The following GRIP1 variants were observed in gnomAD, a reference collection of about 807,000 sequenced individuals.
GRIP1 encodes the protein glutamate receptor interacting protein 1, also known as glutamate receptor-interacting protein 1.
A neutral mutation model predicts 129.9 loss-of-function variants in GRIP1; 45 were observed. The ratio of observed to expected loss-of-function variants is 0.35; its 90% CI spans 0.27 to 0.44. The LOEUF is 0.44. Among genes scored for constraint, GRIP1 ranks in the 20% least tolerant of loss-of-function variants. GRIP1 has a pLI of 1.00. For synonymous variants in GRIP1, 530 were observed against 520.8 expected, an observed-to-expected ratio of 1.02 and a Z score of -0.24; for missense variants, 1,196 against 1,396.8, an observed-to-expected ratio of 0.86 and a Z score of 2.29.
chr12:66,809,931 C>T (rs1267793441), intron 1 of GRIP1, among the ~76,000 whole-genome samples: 4 of 152,144 alleles, frequency 2.6e-5, no homozygotes, highest in African/African-American at 9.7e-5. Flanking sequence ...GCTGGGATTA[C>T]AGGCATGAGC....
chr12:66,720,546 C>G (rs924795579), intron 1 of GRIP1, among the ~76,000 whole-genome samples: 1 of 152,182 alleles, frequency 6.6e-6, no homozygotes, highest in South Asian at 2.1e-4. Flanking sequence ...AAATTGTAGT[C>G]AATCCTCTCA....
intron 1 of GRIP1, among the ~76,000 whole-genome samples, chr12:66,771,600 C>T (rs571683736): frequency 3.9e-5 from 6 of 152,280 alleles, no homozygotes; most frequent in South Asian, 4.1e-4. Flanking sequence ...TCAATCCCAG[C>T]GCAGAGAGGT....
intron 1 of GRIP1, among the ~76,000 whole-genome samples, chr12:66,718,268 G>T (rs375147925): frequency 1.3e-5 from 2 of 152,190 alleles, no homozygotes; most frequent in South Asian, 2.1e-4. Flanking sequence ...TGCAGTGATT[G>T]CCAAGGTTTG....
intron 1 of GRIP1, among the ~76,000 whole-genome samples, chr12:66,852,257 G>T (rs1056130021): frequency 2.6e-5 from 4 of 151,816 alleles, no homozygotes; most frequent in African/African-American, 9.7e-5. Flanking sequence ...ATACAAATTT[G>T]ATATCTTTCC....
At chr12:66,911,387 C>G (rs1445786300) in intron 1 of GRIP1, among the ~76,000 whole-genome samples, 1 of 152,218 alleles carries the variant, frequency 6.6e-6, no homozygotes, top group Non-Finnish European at 1.5e-5. Flanking sequence ...TACACAGAGT[C>G]AGTCCACTAA....
intron 2 of GRIP1, chr12:66,568,336 CA>C: frequency 5.6e-6 from 1 of 177,666 alleles, no homozygotes; most frequent in Non-Finnish European, 1.2e-5. Context: ...GTTGGATATG[CA>C]AAAAATGTCT....
At chr12:66,655,729 C>G (rs772556174) in intron 1 of GRIP1, among the ~76,000 whole-genome samples, 1 of 151,702 alleles carries the variant, frequency 6.6e-6, no homozygotes, top group Non-Finnish European at 1.5e-5. Flanking sequence ...CCTGCCTCAG[C>G]CTCCTGAGTA....
At chr12:66,415,355 T>G (rs868092954) in intron 15 of GRIP1, among the ~76,000 whole-genome samples, 2 of 152,192 alleles carry the variant, frequency 1.3e-5, no homozygotes, top group Middle Eastern at 6.8e-3. Flanking sequence ...AAATACAAAT[T>G]GAAATCATAA....
At chr12:66,687,084 G>GACAAAA (rs1276331795) in intron 1 of GRIP1, among the ~76,000 whole-genome samples, 1 of 151,782 alleles carries the variant, frequency 6.6e-6, no homozygotes, top group Admixed American at 6.6e-5. Flanking sequence ...AAAACAAACA[G>GACAAAA]ACAAAAACAA....
chr12:66,894,284 G>A (rs1010548764), intron 1 of GRIP1, among the ~76,000 whole-genome samples: 1 of 152,092 alleles, frequency 6.6e-6, no homozygotes, highest in Non-Finnish European at 1.5e-5. Context: ...AGGTTCTTCA[G>A]TTTCCTATCA....
At chr12:66,624,461 T>C (rs2065401008) in intron 1 of GRIP1, among the ~76,000 whole-genome samples, 1 of 152,128 alleles carries the variant, frequency 6.6e-6, no homozygotes, top group African/African-American at 2.4e-5. Context: ...ACATTAGAAA[T>C]TCATGATTGG....
intron 1 of GRIP1, among the ~76,000 whole-genome samples, chr12:67,041,194 C>T (rs570052158): frequency 5.9e-5 from 9 of 151,918 alleles, no homozygotes; most frequent in African/African-American, 1.9e-4. Flanking sequence ...TACAAATATA[C>T]GTGTGTATAT....
At chr12:67,007,291 CA>C (rs2042640716) in intron 1 of GRIP1, among the ~76,000 whole-genome samples, 1 of 152,102 alleles carries the variant, frequency 6.6e-6, no homozygotes, top group Non-Finnish European at 1.5e-5. Context: ...ATGTATCTCC[CA>C]AAATTCACGG....
chr12:66,566,533 T>G (rs1361236484), intron 2 of GRIP1, among the ~76,000 whole-genome samples: 1 of 152,248 alleles, frequency 6.6e-6, no homozygotes, highest in East Asian at 1.9e-4. Flanking sequence ...AGTATTTTAT[T>G]GAGGATTTTT....
chr12:66,822,706 T>C (rs112268264), intron 1 of GRIP1, among the ~76,000 whole-genome samples: 2,765 of 152,220 alleles, frequency 0.018, 82 homozygotes, highest in African/African-American at 0.061. Flanking sequence ...TGCAGCAACA[T>C]GGATACAGCT....
At chr12:66,451,760 T>A (rs1395890346) in intron 11 of GRIP1, among the ~76,000 whole-genome samples, 1 of 152,142 alleles carries the variant, frequency 6.6e-6, no homozygotes, top group East Asian at 1.9e-4. Flanking sequence ...GCCATAGACC[T>A]AACACATGTG....
At chr12:66,360,077 A>G (rs1208489879) in intron 23 of GRIP1, among the ~76,000 whole-genome samples, 3 of 152,216 alleles carry the variant, frequency 2.0e-5, no homozygotes, top group African/African-American at 7.2e-5. Context: ...CTGAACCTTG[A>G]AAAAGTTGAT....
intron 11 of GRIP1, among the ~76,000 whole-genome samples, chr12:66,453,702 T>G (rs1409851101): frequency 1.3e-5 from 2 of 152,232 alleles, no homozygotes; most frequent in Non-Finnish European, 2.9e-5. Flanking sequence ...CTTCCTATTT[T>G]CAGTCAAGGC....
chr12:66,542,413 T>G (rs1474255183), intron 2 of GRIP1, among the ~76,000 whole-genome samples: 1 of 152,058 alleles, frequency 6.6e-6, no homozygotes, highest in Non-Finnish European at 1.5e-5. Context: ...AGGAGAAGAG[T>G]GCTTTCTACA....
Sources: gnomAD v4.1 joint callset for allele counts (sites outside exome capture counted in the v4.1 genomes callset) on GRCh38, gnomAD v4.1.1 for gene constraint, MANE v1.5 for transcripts, NCBI Gene and HGNC (gene_info 2026-07-23, HGNC 2026-07-21) for gene names.